ABCA3: variants seen among roughly 807,000 people sequenced by gnomAD.
The protein encoded by ABCA3 is ATP binding cassette subfamily A member 3.
ABCA3 carries 88 observed loss-of-function variants against 172.8 expected under a neutral mutation model. The ratio of observed to expected loss-of-function variants is 0.51; its 90% CI spans 0.43 to 0.61. The LOEUF (loss-of-function observed/expected upper bound fraction) is 0.61. ABCA3 is among the 20% of genes least tolerant of loss of function. ABCA3 has a pLI of 0.00. For synonymous variants in ABCA3, 1,066 were observed against 983.8 expected, an observed-to-expected ratio of 1.08 and a Z score of -1.56; for missense variants, 2,164 against 2,301.0, an observed-to-expected ratio of 0.94 and a Z score of 1.22.
In ABCA3 at chr16:2,285,630, C is replaced by T. The variant is rs986222121; in HGVS notation, c.3295G>A (p.Asp1099Asn). The stretch of plus-strand genomic sequence containing the variant: ...GCGAAGAGCAGGTTGAGGGCAATGT[C>T]GAATCCCTTCCGGCCCCTGCGGGGG... ...DQFNEGRKGF[D>N]IALNLLFAMA... The change falls in exon 23 of 33, where the codon GAC becomes AAC. Residue 1099 changes from aspartate (D) to asparagine (N), a missense_variant. Coordinates refer to ENST00000301732, the MANE Select transcript of ABCA3 (RefSeq NM_001089.3). This position sits in a 1 kb window ranked among gnomAD's most constrained non-coding sequence, Gnocchi z 4.7. The T allele has an allele frequency of 2.1e-5, 33 of 1,552,966 alleles. No homozygotes were observed. In the Admixed American group the frequency reaches 3.7e-4, roughly 17 times the overall value.
In ABCA3 at chr16:2,317,628, C is replaced by G. The variant is rs1312392546; in HGVS notation, c.990+20G>C. 3 of 1,613,346 alleles carry G rather than the reference C, an allele frequency of 1.9e-6. No homozygotes were observed. The African/African-American group carries it at 4.0e-5, about 22-fold the overall frequency. ...TGGCTCTCCCCGTCCTCACCAGAGC[C>G]CCACCGACGCCATGCTCACCTTGAC... is the stretch of plus-strand genomic sequence containing the variant. On this transcript the variant is annotated intron_variant, in intron 9 of 32. Transcript: ENST00000301732.
At position 2,297,856 on chromosome 16, in the gene ABCA3, C is replaced by T. The variant is rs770597475; in HGVS notation, c.1962G>A (p.Leu654=). 18 of 1,613,752 alleles carry T rather than the reference C, an allele frequency of 1.1e-5. No individual in the cohort carries two copies. The highest frequency in any genetic ancestry group is 3.3e-5 in the Admixed American group (2 of 60,004). Residue 654 remains leucine (L), a synonymous_variant, in exon 16 of 33, where the codon CTG becomes CTA. Coordinates refer to ENST00000301732, the MANE Select transcript of ABCA3 (RefSeq NM_001089.3). This position sits in a 1 kb window ranked among gnomAD's most constrained non-coding sequence, Gnocchi z 5.6. ...EVKQMLHIIG[L]EDKWNSRSRF... is the part of the protein sequence containing the mutation. ...GGCTCCGTGAGTTCCACTTGTCCTC[C>T]AGGCCGATGATGTGCAGCATCTGCT...
At chr16:2,337,016 G>A (rs1426745355) in intron 1 of ABCA3, among the ~76,000 whole-genome samples, 5 of 150,474 alleles carry the variant, frequency 3.3e-5, no homozygotes, top group African/African-American at 9.8e-5. Flanking sequence ...AGGCTCAAGC[G>A]ATCCTCCCTC....
intron 10 of ABCA3, among the ~76,000 whole-genome samples, chr16:2,308,986 C>T (rs560411698): frequency 1.3e-5 from 2 of 151,998 alleles, no homozygotes; most frequent in East Asian, 3.9e-4. Context: ...TGCTCTGTCG[C>T]CCAGGCTGGA....
chr16:2,289,164 C>CTCATCAACACAGAGCTGGGCACCCG (rs2093667885), intron 20 of ABCA3: 2 of 521,556 alleles, frequency 3.8e-6, no homozygotes. Flanking sequence ...GCTAGAGAGC[C>CTCATCAACACAGAGCTGGGCACCCG]TCATCAACAC....
Position 2,297,285 on chromosome 16 carries a change from C to G in ABCA3, c.2263+44G>C, listed in dbSNP as rs970925652. ...GGTAGCAGCCATTCCCTCAGCACGG[C>G]AGCCAGGACACCGACCCTGTCGCGG... On this transcript the variant is annotated intron_variant, in intron 17 of 32. Coordinates refer to ENST00000301732, the MANE Select transcript of ABCA3 (RefSeq NM_001089.3). This position sits in a 1 kb window ranked among gnomAD's most constrained non-coding sequence, Gnocchi z 5.6. The G allele has an allele frequency of 6.3e-7, 1 of 1,598,310 alleles. No individual in the cohort carries two copies. Among genetic ancestry groups the G allele is most frequent in the Non-Finnish European group, 8.5e-7 (1 of 1,174,574 alleles).
Position 2,291,731 on chromosome 16 carries a change from C to T in ABCA3, c.2513+409G>A, listed in dbSNP as rs561443680. Reference sequence around the variant, plus strand: ...ACCCCAGGCTGTTCCTCCAGCCTCACGTGGGCATTTGAGATCATAACCGAG... The same window carrying T: ...ACCCCAGGCTGTTCCTCCAGCCTCATGTGGGCATTTGAGATCATAACCGAG... On this transcript the variant is annotated intron_variant, in intron 19 of 32. Coordinates refer to ENST00000301732, the MANE Select transcript of ABCA3 (RefSeq NM_001089.3). 3.3e-5 allele frequency among the ~76,000 whole-genome samples: 5 copies of T among 152,350 alleles called. No homozygotes were observed. The South Asian group carries it at 8.3e-4, about 25-fold the overall frequency.
intron 7 of ABCA3, among the ~76,000 whole-genome samples, chr16:2,321,025 G>A (rs542765867): frequency 1.5e-5 from 2 of 129,822 alleles, no homozygotes; most frequent in East Asian, 2.2e-4. Context: ...AGGTCTTTTC[G>A]TGTCTGGCAA....
In ABCA3 at chr16:2,279,872, G is replaced by C. The variant is rs955844863; in HGVS notation, c.4360-742C>G. ...AGTGATTCTCATGCCTCAGGCTCCC[G>C]AGTAGCTAGGATTATAGGCACCTGC... is the stretch of plus-strand genomic sequence containing the variant. On this transcript the variant is annotated intron_variant, in intron 28 of 32. Coordinates refer to ENST00000301732, the MANE Select transcript of ABCA3 (RefSeq NM_001089.3). The surrounding 1 kb of genome is among the most constrained non-coding windows in gnomAD (Gnocchi z 4.4). Among the ~76,000 whole-genome samples the C allele has an allele frequency of 6.6e-6, 1 of 151,808 alleles. No individual in the cohort carries two copies. The highest frequency in any genetic ancestry group is 1.5e-5 in the Non-Finnish European group (1 of 67,980).
chr16:2,291,138 C>A (rs2093671346), intron 19 of ABCA3, among the ~76,000 whole-genome samples: 1 of 151,992 alleles, frequency 6.6e-6, no homozygotes, highest in African/African-American at 2.4e-5. Context: ...GAGTTCCAGA[C>A]CAGCATGGCA....
At position 2,281,524 on chromosome 16, in the gene ABCA3, C is replaced by T; in HGVS notation, c.4036-15G>A. ...TATAATTCTGTCTGATTGACCAGGACAAAGACCGCATGCGTGAACCCAGCC... is the reference window on the plus strand; with the variant it reads ...TATAATTCTGTCTGATTGACCAGGATAAAGACCGCATGCGTGAACCCAGCC... On this transcript the variant is annotated splice_polypyrimidine_tract_variant and intron_variant, in intron 26 of 32. Coordinates refer to ENST00000301732, the MANE Select transcript of ABCA3 (RefSeq NM_001089.3). This position sits in a 1 kb window ranked among gnomAD's most constrained non-coding sequence, Gnocchi z 4.7. 1 of 1,487,374 alleles carries T rather than the reference C, an allele frequency of 6.7e-7. No homozygotes were observed. The highest frequency in any genetic ancestry group is 2.9e-5 in the East Asian group (1 of 34,610). The allele number at this position is 1,487,374 out of a possible 1,614,324, so 92.1% of individuals were successfully genotyped here.
At chr16:2,323,501 G>A (rs542356676) in intron 7 of ABCA3, 22 bp downstream of exon 7, 13 of 1,613,838 alleles carry the variant, frequency 8.1e-6, no homozygotes, top group South Asian at 2.2e-5. Context: ...CTGGTAACAC[G>A]AACCCTAACC....
In ABCA3 at chr16:2,286,694, T is replaced by TCGTTAAACTGGTCCTTGGCAG; in HGVS notation, c.3257_3277dup (p.Ala1086_Asn1092dup). On this transcript the variant is annotated inframe_insertion and splice_region_variant, in exon 22 of 33. Coordinates refer to ENST00000301732, the MANE Select transcript of ABCA3 (RefSeq NM_001089.3). The surrounding 1 kb of genome is among the most constrained non-coding windows in gnomAD (Gnocchi z 5.2). ...AGACAGGGACGGGCAGTGCACATAC[T>TCGTTAAACTGGTCCTTGGCAG]CGTTAAACTGGTCCTTGGCAGCCTG... 2.5e-6 allele frequency: 4 copies of TCGTTAAACTGGTCCTTGGCAG among 1,612,984 alleles called. No homozygotes were observed. Among genetic ancestry groups the TCGTTAAACTGGTCCTTGGCAG allele is most frequent in the Non-Finnish European group, 2.5e-6 (3 of 1,179,854 alleles).
rs1344265709 is a variant in ABCA3 at position 2,285,083 on chromosome 16, G to A, written c.3484-85C>T. 3 of 1,445,788 alleles carry A rather than the reference G, an allele frequency of 2.1e-6. No homozygotes were observed. The highest frequency in any genetic ancestry group is 2.8e-5 in the African/African-American group (2 of 71,170). 89.6% of individuals were successfully genotyped at this position (1,445,788 alleles called of 1,614,324 possible). ...GGAAGGGGTGAGAGGAGCATTTGGA[G>A]GTCCTCAGACCCCTCCCGGTCAGCT... is the stretch of plus-strand genomic sequence containing the variant. On this transcript the variant is annotated intron_variant, in intron 23 of 32. Coordinates refer to ENST00000301732, the MANE Select transcript of ABCA3 (RefSeq NM_001089.3). The surrounding 1 kb of genome is among the most constrained non-coding windows in gnomAD (Gnocchi z 4.7).
chr16:2,294,934 G>C (rs745703332), intron 18 of ABCA3, among the ~76,000 whole-genome samples: 13 of 152,178 alleles, frequency 8.5e-5, no homozygotes, highest in Non-Finnish European at 1.8e-4. Context: ...AGTGAGCTGA[G>C]ATTGTGCCAC....
In ABCA3 at chr16:2,289,961, T is replaced by TCACACACACACA. The variant is rs3138606; in HGVS notation, c.2514-353_2514-342dup. The stretch of plus-strand genomic sequence containing the variant: ...ATTTTTTAATATTATGTGAATTACA[T>TCACACACACACA]CACACACACACACACACACACACAC... On this transcript the variant is annotated intron_variant, in intron 19 of 32. Transcript: ENST00000301732. Among the ~76,000 whole-genome samples, 670 of 138,284 alleles carry TCACACACACACA rather than the reference T, an allele frequency of 4.8e-3. 7 individuals carry two copies. The highest frequency in any genetic ancestry group is 0.012 in the African/African-American group (430 of 35,732). 90.7% of individuals were successfully genotyped at this position (138,284 alleles called of 152,430 possible).
chr16:2,328,528 G>A lies in ABCA3; in HGVS notation c.-102C>T. ...GCAGGAAATAGGAGAAACGTGCTCT[G>A]AAAACTGAGTGTAAAGAGGGCGAGG... On this transcript the variant is annotated 5_prime_UTR_variant, in exon 3 of 33. Coordinates refer to ENST00000301732, the MANE Select transcript of ABCA3 (RefSeq NM_001089.3). 1 of 515,028 alleles carries A rather than the reference G, an allele frequency of 1.9e-6. No individual in the cohort carries two copies. The highest frequency in any genetic ancestry group is 3.9e-6 in the Non-Finnish European group (1 of 258,320). The allele number at this position is 515,028 out of a possible 1,614,324, so 31.9% of individuals were successfully genotyped here.
intron 13 of ABCA3, 65 bp downstream of exon 13, chr16:2,299,940 G>A (rs917688056): frequency 4.2e-5 from 67 of 1,602,798 alleles, no homozygotes; most frequent in African/African-American, 6.7e-5. Context: ...TCTCACTGCC[G>A]TGCTGGTAAG....
intron 3 of ABCA3, 60 bp downstream of exon 3, chr16:2,328,393 A>C: frequency 2.4e-6 from 1 of 425,146 alleles, no homozygotes; most frequent in South Asian, 1.7e-5. Flanking sequence ...AAAGGAACAC[A>C]GACACTGAAC....
Sources: gnomAD v4.1 joint callset for allele counts (sites outside exome capture counted in the v4.1 genomes callset) on GRCh38, gnomAD v4.1.1 for gene constraint, Gnocchi (gnomAD v3.1) non-coding constraint, MANE v1.5 for transcripts, NCBI Gene and HGNC (gene_info 2026-07-23, HGNC 2026-07-21) for gene names.